The following ZNF343 variants were observed in gnomAD, a reference collection of about 807,000 sequenced individuals.
The protein encoded by ZNF343 is zinc finger protein 343.
Under a neutral mutation model 13.8 loss-of-function variants are expected in ZNF343, and 11 were observed. That is an observed-to-expected ratio of 0.80 (90% confidence interval 0.50 to 1.32). ZNF343 has a LOEUF of 1.32. Among genes scored for constraint, ZNF343 ranks in the 40% most tolerant of loss-of-function variants. The pLI is 0.00. For missense variants in ZNF343, 658 were observed against 714.2 expected (o/e 0.92, Z 0.90); for synonymous variants, 248 against 260.0 (o/e 0.95, Z 0.44).
At chr20:2,501,548 TG>T (rs2085566946) in intron 1 of ZNF343, among the ~76,000 whole-genome samples, 1 of 152,178 alleles carries the variant, frequency 6.6e-6, no homozygotes, top group South Asian at 2.1e-4. Flanking sequence ...GTAGCCTAAC[TG>T]GGAGGCACCC....
intron 5 of ZNF343, among the ~76,000 whole-genome samples, chr20:2,485,438 C>T (rs555157830): frequency 3.3e-5 from 5 of 152,228 alleles, no homozygotes; most frequent in African/African-American, 7.2e-5. Flanking sequence ...GAAATGACCA[C>T]GTACTTGGCC....
intron 1 of ZNF343, among the ~76,000 whole-genome samples, chr20:2,521,136 C>T (rs2085780600): frequency 1.3e-5 from 2 of 152,132 alleles, no homozygotes; most frequent in Admixed American, 1.3e-4. Context: ...GGGAAATGAA[C>T]GTGTAATCTC....
intron 4 of ZNF343, 81 bp from the exon 5 acceptor site, chr20:2,492,906 G>A (rs1011077925): frequency 6.3e-7 from 1 of 1,579,084 alleles, no homozygotes; most frequent in Non-Finnish European, 8.6e-7. Flanking sequence ...TGACCCTGGA[G>A]AGCCTGGATA....
Position 2,483,541 on chromosome 20 carries a change from A to G in ZNF343, c.1420T>C (p.Phe474Leu), listed in dbSNP as rs1336053125. ...PYVCGECGRG[F>L]SRKSLLLVHQ... ...ACAAGGAGGAGTGATTTCCGACTAA[A>G]GCCTCGGCCACACTCACCACACACA... The change falls in exon 6 of 6, where the codon TTT (phenylalanine) becomes CTT (leucine). Residue 474 changes from phenylalanine (F) to leucine (L), a missense_variant. Physicochemically the swap from Phe to Leu is conservative, Grantham distance 22 (BLOSUM62 0). Transcript: ENST00000278772. 3 of 1,612,240 alleles carry G rather than the reference A, an allele frequency of 1.9e-6. No homozygotes were observed. The African/African-American group carries it at 4.0e-5, about 22-fold the overall frequency.
At chr20:2,494,713 G>A (rs2085428796) in intron 2 of ZNF343, among the ~76,000 whole-genome samples, 1 of 151,440 alleles carries the variant, frequency 6.6e-6, no homozygotes, top group South Asian at 2.1e-4. Context: ...AGGCTGCAGT[G>A]AGCTGAGATC....
At chr20:2,495,758 G>A (rs946944654) in intron 2 of ZNF343, among the ~76,000 whole-genome samples, 25 of 148,648 alleles carry the variant, frequency 1.7e-4, no homozygotes, top group South Asian at 4.2e-4. Flanking sequence ...TTGGCTCACC[G>A]CAACCTCTGC....
chr20:2,505,622 C>G (rs2085643360), intron 1 of ZNF343, among the ~76,000 whole-genome samples: 1 of 152,110 alleles, frequency 6.6e-6, no homozygotes, highest in Non-Finnish European at 1.5e-5. Context: ...AAACAGAGCC[C>G]TCAGAAATAA....
chr20:2,506,802 A>G (rs1296966375), intron 1 of ZNF343, among the ~76,000 whole-genome samples: 1 of 151,892 alleles, frequency 6.6e-6, no homozygotes, highest in African/African-American at 2.4e-5. Flanking sequence ...TTGTGGGGTG[A>G]GGGGAGCGGG....
chr20:2,496,207 G>A (rs1038085848), intron 2 of ZNF343, among the ~76,000 whole-genome samples: 1 of 152,198 alleles, frequency 6.6e-6, no homozygotes, highest in Admixed American at 6.5e-5. Context: ...GAGTATTTAA[G>A]GAAAGCCTTT....
intron 1 of ZNF343, among the ~76,000 whole-genome samples, chr20:2,522,677 G>A (rs550649539): frequency 2.0e-5 from 3 of 152,342 alleles, no homozygotes; most frequent in East Asian, 1.9e-4. Flanking sequence ...GGTCAGGCAT[G>A]GTGGCTCACG....
Position 2,483,590 on chromosome 20 carries a change from C to T in ZNF343, c.1371G>A (p.Arg457=). Residue 457 remains arginine (R), a synonymous_variant, in exon 6 of 6, where the codon CGG becomes CGA. Coordinates refer to ENST00000278772, the MANE Select transcript of ZNF343 (RefSeq NM_024325.6). ...CDKSTLIIHE[R]THSGEKPYVC... is the part of the protein sequence containing the mutation. ...CATAAGGCTTCTCTCCAGAGTGCGT[C>T]CGCTCGTGTATGATGAGGGTTGACT... The T allele has an allele frequency of 1.2e-6, 2 of 1,613,578 alleles. No homozygotes were observed. Among genetic ancestry groups the T allele is most frequent in the South Asian group, 1.1e-5 (1 of 91,052 alleles).
At chr20:2,517,661 C>G (rs1323186366) in intron 1 of ZNF343, among the ~76,000 whole-genome samples, 1 of 149,764 alleles carries the variant, frequency 6.7e-6, no homozygotes, top group Non-Finnish European at 1.5e-5. Flanking sequence ...ACCACCATGC[C>G]TGGCTAGTTA....
rs753216703 is a variant in ZNF343, at chr20:2,508,821, C to T, written c.-237+60G>A. The T allele has an allele frequency of 1.3e-5, 2 of 152,298 alleles. No homozygotes were observed. Among genetic ancestry groups the T allele is most frequent in the Non-Finnish European group, 2.9e-5 (2 of 68,090 alleles). 9.4% of individuals were successfully genotyped at this position (152,298 alleles called of 1,614,324 possible). ...TAACCTACGCTCGGCCTTTCCCGAC[C>T]CTCCTTTCCCCACGAGAGAGGGCAT... On this transcript the variant is annotated intron_variant, in intron 1 of 5. Coordinates refer to ENST00000278772, the MANE Select transcript of ZNF343 (RefSeq NM_024325.6). This position sits in a 1 kb window ranked among gnomAD's most constrained non-coding sequence, Gnocchi z 4.5.
intron 1 of ZNF343, among the ~76,000 whole-genome samples, chr20:2,523,995 AAAAT>A (rs1289009411): frequency 6.7e-6 from 1 of 148,692 alleles, no homozygotes; most frequent in Non-Finnish European, 1.5e-5. Flanking sequence ...AAAAAAAAAA[AAAAT>A]CGAAGTGTGA....
In ZNF343 at chr20:2,495,943, G is replaced by A. The variant is rs183129337; in HGVS notation, c.-149-1899C>T. On this transcript the variant is annotated intron_variant, in intron 2 of 5. Transcript: ENST00000278772. ...GATCCGTCTGCCTCGGCCTCCCAAC[G>A]CGCTGGGATTACAGGCGTGAGCCAC... 2.0e-4 allele frequency among the ~76,000 whole-genome samples: 30 copies of A among 152,184 alleles called. No individual in the cohort carries two copies. The South Asian group carries it at 5.4e-3, about 27-fold the overall frequency.
chr20:2,500,184 T>C (rs2085536303), intron 2 of ZNF343, among the ~76,000 whole-genome samples: 1 of 152,222 alleles, frequency 6.6e-6, no homozygotes, highest in South Asian at 2.1e-4. Context: ...TAAATCCTAA[T>C]TCTACCCAAC....
upstream of ZNF343, among the ~76,000 whole-genome samples, chr20:2,510,759 G>C (rs2085734504): frequency 1.3e-5 from 2 of 152,186 alleles, no homozygotes; most frequent in Admixed American, 6.5e-5. Context: ...TATTGCAAGG[G>C]AAGAAGGCCT....
intron 5 of ZNF343, among the ~76,000 whole-genome samples, chr20:2,490,540 T>TG (rs2085351059): frequency 1.3e-5 from 2 of 150,666 alleles, no homozygotes; most frequent in South Asian, 2.1e-4. Context: ...TTTTTTGGTT[T>TG]TTGTTTTTTT....
intron 4 of ZNF343, 41 bp downstream of exon 4, chr20:2,493,477 GC>G: frequency 6.4e-7 from 1 of 1,559,618 alleles, no homozygotes; most frequent in Non-Finnish European, 8.8e-7. Context: ...TGGAAAATGA[GC>G]CAGCACTTCA....
Sources: gnomAD v4.1 joint callset for allele counts (sites outside exome capture counted in the v4.1 genomes callset) on GRCh38, gnomAD v4.1.1 for gene constraint, Gnocchi (gnomAD v3.1) non-coding constraint, MANE v1.5 for transcripts, NCBI Gene and HGNC (gene_info 2026-07-23, HGNC 2026-07-21) for gene names.